HECTD4: variants seen among roughly 807,000 people sequenced by gnomAD.
The protein encoded by HECTD4 is HECT domain E3 ubiquitin protein ligase 4.
HECTD4 carries 114 observed loss-of-function variants against 471.5 expected under a neutral mutation model. That is an observed-to-expected ratio of 0.24 (90% CI 0.21 to 0.28). HECTD4 has a LOEUF of 0.28. Ranked by LOEUF, HECTD4 falls within the 10% of genes least tolerant of loss-of-function variation. The pLI is 1.00. For synonymous variants in HECTD4, 2,012 were observed against 2,256.0 expected (o/e 0.89, Z 3.07); for missense variants, 3,866 against 5,651.5 (o/e 0.68, Z 10.13).
chr12:112,206,563 G>A (rs1413454765), intron 52 of HECTD4, among the ~76,000 whole-genome samples: 3 of 139,152 alleles, frequency 2.2e-5, no homozygotes, highest in South Asian at 2.4e-4. Flanking sequence ...TTGAGACGGA[G>A]TCTGGCTCTG....
chr12:112,360,256 C>A (rs971821550), intron 1 of HECTD4, among the ~76,000 whole-genome samples: 2 of 152,050 alleles, frequency 1.3e-5, no homozygotes, highest in African/African-American at 2.4e-5. Context: ...GAGTCTGGGG[C>A]TGCAGTGTGC....
At position 112,231,604 on chromosome 12, in the gene HECTD4, T is replaced by C; in HGVS notation, c.6109A>G (p.Asn2037Asp). ...VSIGPPVESI[N>D]PETVSGLSTG... is the part of the protein sequence containing the mutation. ...GATAGTCCACTCACAGTCTCTGGGT[T>C]GATAGACTCTACAGGTGGCCCAATG... The change falls in exon 39 of 76, where the codon AAC (asparagine) becomes GAC (aspartate). Residue 2037 changes from asparagine (N) to aspartate (D), a missense_variant. Asn to Asp is a conservative substitution (Grantham distance 23). This residue lies in a region of HECTD4 where 617 missense variants were observed against 915.1 expected (regional missense o/e 0.67). Transcript: ENST00000682272. 6.2e-7 allele frequency: 1 copy of C among 1,614,022 alleles called. No individual in the cohort carries two copies.
intron 1 of HECTD4, among the ~76,000 whole-genome samples, chr12:112,378,461 T>C (rs934562240): frequency 6.6e-6 from 1 of 151,874 alleles, no homozygotes; most frequent in Non-Finnish European, 1.5e-5. Context: ...CCTGACCTTG[T>C]GATTCGCCCG....
At chr12:112,361,819 G>C (rs1263728393) in intron 1 of HECTD4, among the ~76,000 whole-genome samples, 1 of 152,120 alleles carries the variant, frequency 6.6e-6, no homozygotes, top group African/African-American at 2.4e-5. Context: ...GTATGGCCCT[G>C]AATGTTAACG....
chr12:112,264,894 A>G (rs1055766579), intron 16 of HECTD4, among the ~76,000 whole-genome samples: 9 of 152,160 alleles, frequency 5.9e-5, no homozygotes, highest in African/African-American at 2.2e-4. Context: ...CCTCCTGAGT[A>G]GCTGGGATTA....
In HECTD4 at chr12:112,228,329, T is replaced by C; in HGVS notation, c.6685-71A>G. On this transcript the variant is annotated intron_variant, in intron 42 of 75. Transcript: ENST00000682272. This position sits in a 1 kb window ranked among gnomAD's most constrained non-coding sequence, Gnocchi z 4.9. ...TAGTTTATAAGAAATGAGGGTGTTA[T>C]TATTATCTGGAGTTAATTCTTAAAT... 2 of 1,377,374 alleles carry C rather than the reference T, an allele frequency of 1.5e-6. No individual in the cohort carries two copies. The highest frequency in any genetic ancestry group is 1.9e-6 in the Non-Finnish European group (2 of 1,049,224). The allele number at this position is 1,377,374 out of a possible 1,614,324, so 85.3% of individuals were successfully genotyped here.
At chr12:112,334,600 C>T (rs1468092337) in intron 1 of HECTD4, among the ~76,000 whole-genome samples, 1 of 145,694 alleles carries the variant, frequency 6.9e-6, no homozygotes, top group Admixed American at 7.0e-5. Context: ...CGAGACCAGC[C>T]TGGTCAACAC....
Position 112,381,469 on chromosome 12 carries a change from GAA to G in HECTD4, c.177+481_177+482del, listed in dbSNP as rs760233699. Among the ~76,000 whole-genome samples the G allele has an allele frequency of 2.0e-5, 3 of 151,986 alleles. No individual in the cohort carries two copies. The East Asian group carries it at 5.8e-4, about 30-fold the overall frequency. ...CCGCAGCTGCCACTACCCTCTCCCG[GAA>G]AAAAACCAAACCAAACCAAACAAAA... On this transcript the variant is annotated intron_variant, in intron 1 of 75. Coordinates refer to ENST00000682272, the MANE Select transcript of HECTD4 (RefSeq NM_001388303.1). This position sits in a 1 kb window ranked among gnomAD's most constrained non-coding sequence, Gnocchi z 4.1.
At position 112,243,628 on chromosome 12, in the gene HECTD4, C is replaced by A; in HGVS notation, c.4783G>T (p.Asp1595Tyr). 6.2e-7 allele frequency: 1 copy of A among 1,610,922 alleles called. No individual in the cohort carries two copies. The highest frequency in any genetic ancestry group is 1.1e-5 in the South Asian group (1 of 90,596). The change falls in exon 31 of 76, where the codon GAC (aspartate) becomes TAC (tyrosine). Residue 1595 changes from aspartate (D) to tyrosine (Y), a missense_variant. By Grantham distance (160) the Asp-to-Tyr change is radical. This residue lies in a region of HECTD4 where 229 missense variants were observed against 386.4 expected (regional missense o/e 0.59). Transcript: ENST00000682272. The surrounding 1 kb of genome is among the most constrained non-coding windows in gnomAD (Gnocchi z 6.6). ...QLFAFIGTNP[D>Y]QAVSSSSFLL... ...CGCAAAATGTGACGTACAGCTTGGT[C>A]AGGGTTGGTGCCGATGAAAGCAAAC...
chr12:112,343,870 T>C (rs902136604), intron 1 of HECTD4, among the ~76,000 whole-genome samples: 2 of 152,162 alleles, frequency 1.3e-5, no homozygotes, highest in Non-Finnish European at 2.9e-5. Flanking sequence ...GGCTGAGTGA[T>C]ATACATGTGA....
rs146959286 is a variant in HECTD4 at position 112,327,116 on chromosome 12, A to G, written c.178-7374T>C. 1.3e-3 allele frequency among the ~76,000 whole-genome samples: 196 copies of G among 152,282 alleles called. 1 individual carries two copies. The highest frequency in any genetic ancestry group is 4.5e-3 in the African/African-American group (187 of 41,566). The stretch of plus-strand genomic sequence containing the variant: ...GCCAAGGTGGGCAGATCATGAGGTC[A>G]AGAGTTCGAGACCAGCCTGGTGAAA... On this transcript the variant is annotated intron_variant, in intron 1 of 75. Coordinates refer to ENST00000682272, the MANE Select transcript of HECTD4 (RefSeq NM_001388303.1).
intron 60 of HECTD4, among the ~76,000 whole-genome samples, chr12:112,186,842 A>T (rs1418146885): frequency 2.0e-5 from 3 of 147,930 alleles, no homozygotes; most frequent in Non-Finnish European, 4.5e-5. Context: ...TAATTTTTAT[A>T]TTTTTAGCAG....
intron 49 of HECTD4, among the ~76,000 whole-genome samples, chr12:112,212,278 GT>G (rs1352652981): frequency 1.3e-5 from 2 of 152,190 alleles, no homozygotes. Flanking sequence ...GAAGCACTAA[GT>G]TCCTGATATA....
At chr12:112,333,812 T>C (rs2035887906) in intron 1 of HECTD4, among the ~76,000 whole-genome samples, 1 of 152,210 alleles carries the variant, frequency 6.6e-6, no homozygotes, top group Non-Finnish European at 1.5e-5. Flanking sequence ...ATTCATTATT[T>C]TGAAAATTGC....
At chr12:112,191,685 G>A (rs557551608) in intron 59 of HECTD4, among the ~76,000 whole-genome samples, 1 of 152,290 alleles carries the variant, frequency 6.6e-6, no homozygotes, top group Non-Finnish European at 1.5e-5. Flanking sequence ...GAGATCCTCT[G>A]TTTTAAATGT....
At chr12:112,220,524 C>T (rs989792734) in intron 44 of HECTD4, among the ~76,000 whole-genome samples, 1 of 152,012 alleles carries the variant, frequency 6.6e-6, no homozygotes, top group Non-Finnish European at 1.5e-5. Context: ...AAGCCAGGTG[C>T]GGTGGCTCAT....
At chr12:112,324,187 TCAC>T in intron 1 of HECTD4, among the ~76,000 whole-genome samples, 1 of 149,518 alleles carries the variant, frequency 6.7e-6, no homozygotes, top group Non-Finnish European at 1.5e-5. Flanking sequence ...CAATCTTAGC[TCAC>T]TGGAGCCTCA....
At chr12:112,256,281 A>T in intron 21 of HECTD4, 39 bp downstream of exon 21, 1 of 1,342,870 alleles carries the variant, frequency 7.4e-7, no homozygotes. Context: ...GAATCAGCTT[A>T]CTCGAGGTGG....
Position 112,183,129 on chromosome 12 carries a change from T to C in HECTD4, c.10917A>G (p.Val3639=). ...STEEILTVSV[V]NQSLFDTQGS... ...CTTGAGTATCAAAGAGACTCTGATT[T>C]ACTACAGACACGGTTAGAATCTCTT... Residue 3639 remains valine (V), a synonymous_variant, in exon 62 of 76, where the codon GTA becomes GTG. Coordinates refer to ENST00000682272, the MANE Select transcript of HECTD4 (RefSeq NM_001388303.1). 6.2e-7 allele frequency: 1 copy of C among 1,613,586 alleles called. No homozygotes were observed. Among genetic ancestry groups the C allele is most frequent in the Admixed American group, 1.7e-5 (1 of 60,032 alleles).
Sources: gnomAD v4.1 joint callset for allele counts (sites outside exome capture counted in the v4.1 genomes callset) on GRCh38, gnomAD v4.1.1 for gene constraint, gnomAD v4.1.1 regional missense constraint, Gnocchi (gnomAD v3.1) non-coding constraint, MANE v1.5 for transcripts, NCBI Gene and HGNC (gene_info 2026-07-23, HGNC 2026-07-21) for gene names.